Variants in ADAMTS20 observed in about 807,000 individuals in gnomAD.
The protein encoded by ADAMTS20 is A disintegrin and metalloproteinase with thrombospondin motifs 20.
ADAMTS20 carries 225 observed loss-of-function variants against 260.1 expected under a neutral mutation model. The ratio of observed to expected loss-of-function variants is 0.87; its 90% CI spans 0.78 to 0.97. The LOEUF (loss-of-function observed/expected upper bound fraction) is 0.97. Among genes scored for constraint, ADAMTS20 ranks in the 50% least tolerant of loss-of-function variants. ADAMTS20 has a pLI of 0.00. For missense variants in ADAMTS20, 2,400 were observed against 2,337.7 expected (o/e 1.03, Z -0.55); for synonymous variants, 802 against 769.5 (o/e 1.04, Z -0.70).
intron 28 of ADAMTS20, among the ~76,000 whole-genome samples, chr12:43,412,802 ATTTTTTTTTT>A (rs139458463): frequency 4.7e-4 from 40 of 84,278 alleles, no homozygotes; most frequent in Admixed American, 4.5e-3. Flanking sequence ...ATAGGAAATA[ATTTTTTTTTT>A]TTTTTTTTTT....
Position 43,453,811 on chromosome 12 carries a change from C to T in ADAMTS20, c.1760+96G>A, listed in dbSNP as rs116014294. 2.8e-3 allele frequency: 3,837 copies of T among 1,386,094 alleles called. 92 individuals carry two copies. The African/African-American group carries it at 0.049, about 18-fold the overall frequency. The allele number at this position is 1,386,094 out of a possible 1,614,324, so 85.9% of individuals were successfully genotyped here. A position where few individuals can be genotyped will look rare whatever the true frequency, so the allele number is the denominator to read the frequency against. On this transcript the variant is annotated intron_variant, in intron 12 of 38. Coordinates refer to ENST00000389420, the MANE Select transcript of ADAMTS20 (RefSeq NM_025003.5). Reference sequence around the variant, plus strand: ...AAATTTTCTGAATCTCAGAAACTTACGGACTGACCTCCAGTTTTAGAAGTG... The same window carrying T: ...AAATTTTCTGAATCTCAGAAACTTATGGACTGACCTCCAGTTTTAGAAGTG...
rs544893890 is a variant in ADAMTS20, at chr12:43,511,240, G to A, written c.614-8835C>T. 5.9e-5 allele frequency among the ~76,000 whole-genome samples: 9 copies of A among 152,056 alleles called. No individual in the cohort carries two copies. In the South Asian group the frequency reaches 6.2e-4, roughly 11 times the overall value. ...ATGTTCCCGCTGTCTTCAATCTCTT[G>A]TCCCTCCCATTCATCCTTCATTTAT... On this transcript the variant is annotated intron_variant, in intron 3 of 38. Coordinates refer to ENST00000389420, the MANE Select transcript of ADAMTS20 (RefSeq NM_025003.5).
chr12:43,505,398 A>G (rs1942827397), intron 3 of ADAMTS20, among the ~76,000 whole-genome samples: 1 of 152,208 alleles, frequency 6.6e-6, no homozygotes, highest in Non-Finnish European at 1.5e-5. Context: ...CTGATAAGGA[A>G]TTAATATCTA....
chr12:43,492,746 T>A, intron 5 of ADAMTS20, 117 bp from the exon 6 acceptor site: 3 of 1,123,010 alleles, frequency 2.7e-6, no homozygotes, highest in African/African-American at 1.6e-5. Context: ...AATGAAGGAG[T>A]GACAGCATCT....
chr12:43,402,824 A>G (rs533739789), intron 28 of ADAMTS20, among the ~76,000 whole-genome samples: 6 of 152,054 alleles, frequency 3.9e-5, no homozygotes, highest in Non-Finnish European at 7.4e-5. Context: ...CTTTTTCTCA[A>G]AAATCAGCCC....
At chr12:43,532,658 C>T (rs1279820489) in intron 2 of ADAMTS20, among the ~76,000 whole-genome samples, 6 of 104,002 alleles carry the variant, frequency 5.8e-5, no homozygotes, top group African/African-American at 1.1e-4. Flanking sequence ...CACCCACTAA[C>T]GTGTCATCTA....
chr12:43,383,267 A>G (rs1940393796), intron 31 of ADAMTS20, among the ~76,000 whole-genome samples: 1 of 152,200 alleles, frequency 6.6e-6, no homozygotes, highest in Non-Finnish European at 1.5e-5. Context: ...CGATAAAGCC[A>G]TTTCTAAAAA....
At chr12:43,376,178 A>G (rs750474841) in intron 34 of ADAMTS20, 30 bp from the exon 35 acceptor site, 27 of 1,562,100 alleles carry the variant, frequency 1.7e-5, no homozygotes, top group African/African-American at 2.7e-5. Flanking sequence ...ATCTAGAAAA[A>G]CTTTTTCCAA....
intron 28 of ADAMTS20, among the ~76,000 whole-genome samples, chr12:43,413,428 C>T (rs1941070905): frequency 6.6e-6 from 1 of 151,982 alleles, no homozygotes; most frequent in Admixed American, 6.6e-5. Flanking sequence ...AGAAATGGTT[C>T]TACTGTGAGC....
rs71091163 is a variant in ADAMTS20, at chr12:43,514,086, TAAAAA to T, written c.614-11686_614-11682del. ...TTTAAAAAAAAGAGAGAATAAACTC[TAAAAA>T]AAAAAAAAAAAAAAAAAAAGTGAGG... is the stretch of plus-strand genomic sequence containing the variant. On this transcript the variant is annotated intron_variant, in intron 3 of 38. Transcript: ENST00000389420. Among the ~76,000 whole-genome samples the T allele has an allele frequency of 2.2e-3, 217 of 100,534 alleles. 1 individual carries two copies. In the South Asian group the frequency reaches 0.024, roughly 11 times the overall value. The allele number at this position is 100,534 out of a possible 152,430, so 66.0% of individuals were successfully genotyped here. A position where few individuals can be genotyped will look rare whatever the true frequency, so the allele number is the denominator to read the frequency against.
chr12:43,446,199 T>C (rs2137338273), intron 15 of ADAMTS20, among the ~76,000 whole-genome samples: 1 of 152,134 alleles, frequency 6.6e-6, no homozygotes, highest in East Asian at 1.9e-4. Flanking sequence ...AAGAAAGTGA[T>C]TCAAGTAATG....
chr12:43,524,578 GAAA>G (rs1943116082), intron 3 of ADAMTS20, among the ~76,000 whole-genome samples: 1 of 151,828 alleles, frequency 6.6e-6, no homozygotes, highest in South Asian at 2.1e-4. Context: ...GAAGAAAGGT[GAAA>G]AGTAAAAACT....
At chr12:43,413,222 A>G (rs2132086) in intron 28 of ADAMTS20, among the ~76,000 whole-genome samples, 12,901 of 152,226 alleles carry the variant, frequency 0.085, 1,039 homozygotes, top group African/African-American at 0.22. Flanking sequence ...TCATTCACAC[A>G]TTTTAATTAT....
chr12:43,363,435 C>T (rs1189292230), intron 37 of ADAMTS20, among the ~76,000 whole-genome samples: 1 of 152,110 alleles, frequency 6.6e-6, no homozygotes, highest in Admixed American at 6.6e-5. Context: ...CAAAAAATCA[C>T]TGGTAAGGCA....
chr12:43,524,534 A>G (rs1943115171), intron 3 of ADAMTS20, among the ~76,000 whole-genome samples: 1 of 149,152 alleles, frequency 6.7e-6, no homozygotes, highest in South Asian at 2.2e-4. Context: ...CCAGATAAAG[A>G]ATTCAAAATG....
At chr12:43,411,062 TCA>T (rs1941021956) in intron 28 of ADAMTS20, among the ~76,000 whole-genome samples, 1 of 152,178 alleles carries the variant, frequency 6.6e-6, no homozygotes. Context: ...ATTTCAAGAA[TCA>T]CAATAATTTA....
chr12:43,502,302 A>C lies in ADAMTS20; in HGVS notation c.717T>G (p.Asn239Lys), dbSNP rs769160671. 117 of 1,612,324 alleles carry C rather than the reference A, an allele frequency of 7.3e-5. No homozygotes were observed. The highest frequency in any genetic ancestry group is 9.8e-5 in the Non-Finnish European group (115 of 1,179,358). Reference sequence around the variant, plus strand: ...GTCTTCTTTCATCTTTCAATGGTACATTTTTTGATGTGTGTCCTAAAACTC... The same window carrying C: ...GTCTTCTTTCATCTTTCAATGGTACCTTTTTTGATGTGTGTCCTAAAACTC... ...KERVLGHTSK[N>K]VPLKDERRHS... Residue 239 changes from asparagine to lysine, a missense_variant, in exon 4 of 39, where the codon AAT becomes AAG. Physicochemically the swap from Asn to Lys is moderately conservative, Grantham distance 94. Transcript: ENST00000389420.
intron 11 of ADAMTS20, among the ~76,000 whole-genome samples, chr12:43,462,444 G>A (rs139451727): frequency 2.6e-5 from 4 of 152,186 alleles, no homozygotes; most frequent in South Asian, 2.1e-4. Context: ...TGATTTTAGC[G>A]GTATAATGTA....
At chr12:43,403,270 T>G (rs910753196) in intron 28 of ADAMTS20, among the ~76,000 whole-genome samples, 1 of 152,166 alleles carries the variant, frequency 6.6e-6, no homozygotes. Flanking sequence ...GAAGAATGAA[T>G]GTATTGACTT....
Sources: allele counts gnomAD v4.1 joint callset (sites outside exome capture counted in the v4.1 genomes callset), GRCh38; gene constraint gnomAD v4.1.1; transcripts MANE v1.5; gene names NCBI Gene and HGNC (gene_info 2026-07-23, HGNC 2026-07-21).